Variants in TXLNB observed in about 807,000 individuals in gnomAD.
TXLNB encodes taxilin beta.
TXLNB carries 37 observed loss-of-function variants against 57.4 expected under a neutral mutation model. The ratio of observed to expected loss-of-function variants is 0.64; its 90% CI spans 0.50 to 0.85. TXLNB has a LOEUF of 0.85. Among genes scored for constraint, TXLNB ranks in the 40% least tolerant of loss-of-function variants. The pLI is 0.00. For synonymous variants in TXLNB, 302 were observed against 309.6 expected (o/e 0.98, Z 0.26); for missense variants, 848 against 825.6 (o/e 1.03, Z -0.33).
chr6:139,179,985 A>G, the TXLNB span: 1 of 152,274 alleles, frequency 6.6e-6, no homozygotes, highest in African/African-American at 2.4e-5. Context: ...TGAGAGGACA[A>G]TTTCTGATTG....
the TXLNB span, among the ~76,000 whole-genome samples, chr6:139,187,715 A>G: frequency 1.3e-5 from 2 of 152,170 alleles, no homozygotes; most frequent in Admixed American, 6.5e-5. Context: ...GCCAGCATTC[A>G]TCTGGCCGAG....
At chr6:139,250,287 C>T (rs1582994394) in intron 7 of TXLNB, among the ~76,000 whole-genome samples, 1 of 151,688 alleles carries the variant, frequency 6.6e-6, no homozygotes, top group East Asian at 1.9e-4. Flanking sequence ...AGCCACTGTA[C>T]CCAGCCAATC....
chr6:139,213,860 A>G, the TXLNB span, among the ~76,000 whole-genome samples: 1 of 152,182 alleles, frequency 6.6e-6, no homozygotes, highest in Non-Finnish European at 1.5e-5. Flanking sequence ...CTCTACGCAA[A>G]TAAACTAGAA....
chr6:139,215,199 G>A, the TXLNB span, among the ~76,000 whole-genome samples: 1 of 152,150 alleles, frequency 6.6e-6, no homozygotes, highest in South Asian at 2.1e-4. Context: ...AACAAAGCTG[G>A]AGGCATCACG....
the TXLNB span, chr6:139,177,187 A>G: frequency 4.5e-6 from 3 of 662,116 alleles, no homozygotes; most frequent in Non-Finnish European, 7.7e-6. The surrounding 1 kb of genome is among the most constrained non-coding windows in gnomAD (Gnocchi z 4.9). Flanking sequence ...ATTCTGTGAC[A>G]TTAATTTCCT....
At chr6:139,312,020 C>T in the TXLNB span, among the ~76,000 whole-genome samples, 1 of 152,186 alleles carries the variant, frequency 6.6e-6, no homozygotes, top group East Asian at 1.9e-4. Flanking sequence ...CCTCCTAATA[C>T]CATGTCACTG....
chr6:139,208,786 T>C, the TXLNB span, among the ~76,000 whole-genome samples: 2 of 152,176 alleles, frequency 1.3e-5, no homozygotes, highest in African/African-American at 2.4e-5. Flanking sequence ...AGAAGGGACA[T>C]AGCTGAAGGT....
upstream of TXLNB, among the ~76,000 whole-genome samples, chr6:139,296,504 T>C (rs1345388155): frequency 1.3e-5 from 2 of 152,200 alleles, no homozygotes; most frequent in Non-Finnish European, 2.9e-5. Flanking sequence ...TTAAATTTGA[T>C]GTAGATCTTT....
chr6:139,269,344 A>G (rs946059037), intron 4 of TXLNB, among the ~76,000 whole-genome samples: 1 of 152,192 alleles, frequency 6.6e-6, no homozygotes, highest in East Asian at 1.9e-4. Flanking sequence ...CAGACAGTGG[A>G]TTTACGCAGG....
the TXLNB span, among the ~76,000 whole-genome samples, chr6:139,298,060 G>A: frequency 6.6e-6 from 1 of 152,160 alleles, no homozygotes; most frequent in South Asian, 2.1e-4. Flanking sequence ...AATTCCCATG[G>A]TGACAACTCT....
intron 2 of TXLNB, among the ~76,000 whole-genome samples, chr6:139,278,579 C>T (rs1441359076): frequency 1.3e-5 from 2 of 152,146 alleles, no homozygotes; most frequent in African/African-American, 4.8e-5. Context: ...AAGGTGCCCA[C>T]ATGAAGACTA....
chr6:139,200,227 C>T, the TXLNB span, among the ~76,000 whole-genome samples: 5 of 152,218 alleles, frequency 3.3e-5, no homozygotes, highest in Middle Eastern at 3.4e-3. Context: ...CATTGTGTAC[C>T]GAGAGCTCTT....
chr6:139,190,304 TC>T, the TXLNB span, among the ~76,000 whole-genome samples: 23 of 81,590 alleles, frequency 2.8e-4, no homozygotes, highest in African/African-American at 3.6e-4. Context: ...TTTCTTTCTT[TC>T]TTTCTTTTTT....
At chr6:139,191,215 T>C in the TXLNB span, among the ~76,000 whole-genome samples, 1 of 152,040 alleles carries the variant, frequency 6.6e-6, no homozygotes, top group Non-Finnish European at 1.5e-5. Context: ...GGTCAGGAGT[T>C]CAAGACCAGC....
chr6:139,169,297 AC>A, the TXLNB span, among the ~76,000 whole-genome samples: 1 of 151,912 alleles, frequency 6.6e-6, no homozygotes, highest in Non-Finnish European at 1.5e-5. Flanking sequence ...ATAAATATAT[AC>A]ATGGCCCTAT....
the TXLNB span, among the ~76,000 whole-genome samples, chr6:139,314,908 G>A: frequency 0.024 from 3,579 of 152,198 alleles, 72 homozygotes; most frequent in East Asian, 0.099. Flanking sequence ...GCCCTTTCCC[G>A]AAAAGACCCC....
the TXLNB span, among the ~76,000 whole-genome samples, chr6:139,160,893 G>A: frequency 6.6e-6 from 1 of 152,174 alleles, no homozygotes; most frequent in Non-Finnish European, 1.5e-5. Context: ...ATGTACATGA[G>A]CTGAATAGGG....
chr6:139,214,126 T>G, the TXLNB span, among the ~76,000 whole-genome samples: 4 of 152,178 alleles, frequency 2.6e-5, no homozygotes, highest in Non-Finnish European at 4.4e-5. Flanking sequence ...TAACTCATTT[T>G]ATGAGGCCAG....
At chr6:139,282,225 A>G (rs1246943782) in intron 2 of TXLNB, among the ~76,000 whole-genome samples, 1 of 149,910 alleles carries the variant, frequency 6.7e-6, no homozygotes, top group African/African-American at 2.4e-5. Context: ...CAGAGAAACT[A>G]GAAATCAAGC....
Sources: gnomAD v4.1 joint callset for allele counts (sites outside exome capture counted in the v4.1 genomes callset) on GRCh38, gnomAD v4.1.1 for gene constraint, Gnocchi (gnomAD v3.1) non-coding constraint, MANE v1.5 for transcripts, NCBI Gene and HGNC (gene_info 2026-07-23, HGNC 2026-07-21) for gene names.